WDR72: variants seen among roughly 807,000 people sequenced by gnomAD.
WDR72 encodes WD repeat-containing protein 72.
A neutral mutation model predicts 124.2 loss-of-function variants in WDR72; 120 were observed. That is an observed-to-expected ratio of 0.97 (90% CI 0.83 to 1.12). WDR72 has a LOEUF of 1.12. WDR72 is among the 50% of genes most tolerant of loss of function. The probability of loss-of-function intolerance (pLI) is 0.00; values close to 1 mark genes in which losing one functional copy is unlikely to be tolerated. For synonymous variants in WDR72, 452 were observed against 441.7 expected, an observed-to-expected ratio of 1.02 and a Z score of -0.29; for missense variants, 1,387 against 1,278.8, an observed-to-expected ratio of 1.08 and a Z score of -1.29.
At chr15:53,724,867 T>A (rs972120120) in intron 2 of WDR72, among the ~76,000 whole-genome samples, 14 of 152,170 alleles carry the variant, frequency 9.2e-5, no homozygotes, top group Non-Finnish European at 1.6e-4. Context: ...ATTCCATTAG[T>A]CATAGACTAA....
chr15:53,699,632 C>T, intron 13 of WDR72, 118 bp downstream of exon 13: 1 of 1,119,182 alleles, frequency 8.9e-7, no homozygotes, highest in South Asian at 1.4e-5. Flanking sequence ...AAATGCAGCC[C>T]AAACAAAGGT....
chr15:53,633,811 C>T (rs1010041699), intron 14 of WDR72, among the ~76,000 whole-genome samples: 1 of 152,118 alleles, frequency 6.6e-6, no homozygotes, highest in African/African-American at 2.4e-5. Flanking sequence ...ACATTACCTG[C>T]ATTTATGAAC....
intron 18 of WDR72, among the ~76,000 whole-genome samples, chr15:53,546,729 C>T (rs1285403162): frequency 9.3e-6 from 1 of 107,970 alleles, no homozygotes; most frequent in Non-Finnish European, 2.3e-5. Flanking sequence ...ATCAATAAAA[C>T]AAACAAACCA....
chr15:53,711,459 G>T lies in WDR72; in HGVS notation c.734C>A (p.Ser245Tyr), dbSNP rs772368657. 2 of 1,613,968 alleles carry T rather than the reference G, an allele frequency of 1.2e-6. No homozygotes were observed. The highest frequency in any genetic ancestry group is 1.7e-6 in the Non-Finnish European group (2 of 1,180,010). Residue 245 changes from serine to tyrosine, a missense_variant, in exon 8 of 20, where the codon TCC becomes TAC. Transcript: ENST00000360509. ...CWKVYDYCDF[S>Y]LLLTEVSRNG... ...TCTACTAACTTCAGTCAGCAGAAGG[G>T]AAAAATCACAATAATCATAAACCTA...
chr15:53,670,577 C>T (rs2015951534), intron 13 of WDR72, among the ~76,000 whole-genome samples: 1 of 152,200 alleles, frequency 6.6e-6, no homozygotes. Flanking sequence ...TAGGGGCAGA[C>T]TCTGGCATCA....
At chr15:53,593,653 T>C (rs2012620082) in intron 18 of WDR72, among the ~76,000 whole-genome samples, 1 of 151,644 alleles carries the variant, frequency 6.6e-6, no homozygotes, top group Non-Finnish European at 1.5e-5. Context: ...TCCCAGATAC[T>C]TAGGAGGCAG....
chr15:53,634,582 C>T (rs1352285169), intron 14 of WDR72, among the ~76,000 whole-genome samples: 6 of 152,186 alleles, frequency 3.9e-5, no homozygotes, highest in Non-Finnish European at 8.8e-5. Flanking sequence ...GGGCCGCATG[C>T]AGCCCATAGG....
intron 9 of WDR72, among the ~76,000 whole-genome samples, chr15:53,706,621 G>A (rs532939627): frequency 6.6e-6 from 1 of 151,412 alleles, no homozygotes; most frequent in African/African-American, 2.4e-5. Context: ...CCACTGAGAA[G>A]GCTTAATTTC....
At chr15:53,644,748 G>T (rs2014981625) in intron 14 of WDR72, among the ~76,000 whole-genome samples, 1 of 152,022 alleles carries the variant, frequency 6.6e-6, no homozygotes, top group Non-Finnish European at 1.5e-5. Flanking sequence ...CCTTCCAACG[G>T]GTCGGGTGGA....
chr15:53,730,807 T>C (rs1031835308), intron 2 of WDR72, among the ~76,000 whole-genome samples: 1 of 152,132 alleles, frequency 6.6e-6, no homozygotes, highest in Non-Finnish European at 1.5e-5. Context: ...AAAATAAAAT[T>C]AAACCACTAA....
In WDR72 at chr15:53,546,761, C is replaced by G. The variant is rs189044876; in HGVS notation, c.3149-23439G>C. 2.8e-4 allele frequency among the ~76,000 whole-genome samples: 42 copies of G among 151,776 alleles called. 1 individual carries two copies. The highest frequency in any genetic ancestry group is 9.4e-4 in the African/African-American group (39 of 41,388). ...ACCACTAACAAATCTAATCAAGAAG[C>G]AAAGGGAAAATTCACAAATACACAA... is the stretch of plus-strand genomic sequence containing the variant. On this transcript the variant is annotated intron_variant, in intron 18 of 19. Transcript: ENST00000360509.
intron 1 of WDR72, among the ~76,000 whole-genome samples, chr15:53,746,499 G>C (rs1179859374): frequency 6.6e-6 from 1 of 152,198 alleles, no homozygotes; most frequent in African/African-American, 2.4e-5. Context: ...TAAGAGGAAA[G>C]TAAATATAGT....
intron 18 of WDR72, among the ~76,000 whole-genome samples, chr15:53,558,024 G>A (rs1893993004): frequency 6.6e-6 from 1 of 151,890 alleles, no homozygotes; most frequent in South Asian, 2.1e-4. Flanking sequence ...TGAAACAGGG[G>A]CACTGGTGGA....
chr15:53,597,117 A>G lies in WDR72; in HGVS notation c.3110T>C (p.Leu1037Pro). 3 of 1,613,862 alleles carry G rather than the reference A, an allele frequency of 1.9e-6. No individual in the cohort carries two copies. Among genetic ancestry groups the G allele is most frequent in the Non-Finnish European group, 2.5e-6 (3 of 1,179,864 alleles). ...MLPKLEWTEELELQCVRNTLP... is the reference protein window; with the variant it reads ...MLPKLEWTEEPELQCVRNTLP... ...AGTGTTTCTAACACACTGTAACTCTAGTTCTTCTGTCCATTCCAGCTTTGG... is the reference window on the plus strand; with the variant it reads ...AGTGTTTCTAACACACTGTAACTCTGGTTCTTCTGTCCATTCCAGCTTTGG... Residue 1037 changes from leucine to proline, a missense_variant, in exon 18 of 20, where the codon CTA becomes CCA. Coordinates refer to ENST00000360509, the MANE Select transcript of WDR72 (RefSeq NM_182758.4).
At chr15:53,561,034 A>G (rs1022032550) in intron 18 of WDR72, among the ~76,000 whole-genome samples, 2 of 151,842 alleles carry the variant, frequency 1.3e-5, no homozygotes, top group Non-Finnish European at 2.9e-5. Context: ...AGAACTTCAT[A>G]AATCTTCAGT....
chr15:53,678,326 C>A (rs954411116), intron 13 of WDR72, among the ~76,000 whole-genome samples: 1 of 152,190 alleles, frequency 6.6e-6, no homozygotes, highest in African/African-American at 2.4e-5. Flanking sequence ...AATAACCCAA[C>A]TTCATCACTA....
At chr15:53,658,892 G>T (rs1003483217) in intron 14 of WDR72, among the ~76,000 whole-genome samples, 2 of 152,158 alleles carry the variant, frequency 1.3e-5, no homozygotes, top group Non-Finnish European at 2.9e-5. Context: ...GAAGAGAAAA[G>T]AACAGGTTAC....
chr15:53,660,225 T>C (rs190638223), intron 14 of WDR72, among the ~76,000 whole-genome samples: 2,415 of 152,124 alleles, frequency 0.016, 71 homozygotes, highest in African/African-American at 0.056. Flanking sequence ...GTTCTTTTTT[T>C]ATAGTTATAC....
At chr15:53,554,665 C>A (rs1252756436) in intron 18 of WDR72, among the ~76,000 whole-genome samples, 1 of 152,056 alleles carries the variant, frequency 6.6e-6, no homozygotes, top group Non-Finnish European at 1.5e-5. Flanking sequence ...ACTACTGCTA[C>A]ATAGATATAC....
Sources: gnomAD v4.1 joint callset for allele counts (sites outside exome capture counted in the v4.1 genomes callset) on GRCh38, gnomAD v4.1.1 for gene constraint, MANE v1.5 for transcripts, NCBI Gene and HGNC (gene_info 2026-07-23, HGNC 2026-07-21) for gene names.